The following NBAS variants were observed in gnomAD, a reference collection of about 807,000 sequenced individuals.
The protein encoded by NBAS is NAG/BC035112 fusion.
In NBAS, 219 loss-of-function variants were observed where a neutral mutation model predicts 302.5. The observed-to-expected ratio is 0.72, with a 90% CI of 0.65 to 0.81. The LOEUF (loss-of-function observed/expected upper bound fraction) is 0.81, where lower values mean the gene tolerates loss of function less well. Ranked by LOEUF, NBAS falls within the 30% of genes least tolerant of loss-of-function variation. The pLI is 0.00. For synonymous variants in NBAS, 1,118 were observed against 1,021.6 expected, an observed-to-expected ratio of 1.09 and a Z score of -1.80; for missense variants, 2,932 against 2,841.6, an observed-to-expected ratio of 1.03 and a Z score of -0.72.
chr2:14,938,293 A>C, the NBAS span, among the ~76,000 whole-genome samples: 5 of 152,372 alleles, frequency 3.3e-5, no homozygotes, highest in South Asian at 1.0e-3. Context: ...GAAAAAATGT[A>C]TACAGATACA....
At chr2:15,286,863 A>G (rs1447188588) in intron 42 of NBAS, among the ~76,000 whole-genome samples, 1 of 152,250 alleles carries the variant, frequency 6.6e-6, no homozygotes, top group Non-Finnish European at 1.5e-5. Flanking sequence ...TCTAGTACAC[A>G]AAAAATTTTC....
At chr2:15,423,247 A>G (rs1677297885) in intron 23 of NBAS, among the ~76,000 whole-genome samples, 1 of 152,158 alleles carries the variant, frequency 6.6e-6, no homozygotes, top group Non-Finnish European at 1.5e-5. Context: ...ATCTCTTCAG[A>G]TTCTACACAT....
At chr2:15,365,247 T>C (rs73197097) in intron 32 of NBAS, among the ~76,000 whole-genome samples, 1,911 of 152,320 alleles carry the variant, frequency 0.013, 36 homozygotes, top group African/African-American at 0.043. Context: ...CCTGTTACTA[T>C]GTTAACACAT....
the NBAS span, among the ~76,000 whole-genome samples, chr2:15,073,609 AT>A: frequency 5.3e-5 from 8 of 151,720 alleles, no homozygotes; most frequent in Admixed American, 1.3e-4. Context: ...ACTTCCATGC[AT>A]TTTTTTTCTT....
At chr2:14,884,436 C>A in the NBAS span, among the ~76,000 whole-genome samples, 2 of 152,016 alleles carry the variant, frequency 1.3e-5, no homozygotes, top group Non-Finnish European at 2.9e-5. Flanking sequence ...GGAACCTGGC[C>A]AAATCAAAAT....
chr2:14,787,073 G>A, the NBAS span, among the ~76,000 whole-genome samples: 1,625 of 152,246 alleles, frequency 0.011, 29 homozygotes, highest in African/African-American at 0.036. Flanking sequence ...TTACCATTAT[G>A]TAATGGCCTC....
At chr2:15,370,956 A>G (rs543458661) in intron 31 of NBAS, among the ~76,000 whole-genome samples, 12 of 152,300 alleles carry the variant, frequency 7.9e-5, no homozygotes, top group African/African-American at 2.4e-4. Context: ...ATGTGAGGAC[A>G]TGAGATCTAG....
intron 48 of NBAS, among the ~76,000 whole-genome samples, chr2:15,207,073 T>A (rs1445721847): frequency 6.6e-6 from 1 of 152,086 alleles, no homozygotes; most frequent in Non-Finnish European, 1.5e-5. Flanking sequence ...CCATAGGCAA[T>A]CAACGCCAGC....
intron 40 of NBAS, among the ~76,000 whole-genome samples, chr2:15,297,070 G>A (rs560431660): frequency 6.3e-4 from 96 of 152,228 alleles, no homozygotes; most frequent in African/African-American, 1.8e-3. Flanking sequence ...CTTCAGGATG[G>A]AACACGCCTA....
chr2:15,376,282 G>A (rs1674732742), intron 30 of NBAS, among the ~76,000 whole-genome samples: 1 of 152,052 alleles, frequency 6.6e-6, no homozygotes, highest in South Asian at 2.1e-4. Flanking sequence ...TATACACACA[G>A]GGCATGTTTG....
At chr2:14,797,025 G>A in the NBAS span, among the ~76,000 whole-genome samples, 3 of 150,334 alleles carry the variant, frequency 2.0e-5, no homozygotes, top group African/African-American at 7.4e-5. Flanking sequence ...GGGAGGCGGA[G>A]CTTGCAGTGA....
intron 29 of NBAS, among the ~76,000 whole-genome samples, chr2:15,382,565 C>A (rs746954559): frequency 6.6e-6 from 1 of 152,066 alleles, no homozygotes. Context: ...AAGGGAACAA[C>A]GTGTGCAAAG....
At chr2:14,855,150 A>T in the NBAS span, among the ~76,000 whole-genome samples, 1 of 152,074 alleles carries the variant, frequency 6.6e-6, no homozygotes, top group African/African-American at 2.4e-5. Context: ...CCTAGAAAAC[A>T]TGTCTAGACA....
chr2:15,497,324 T>C (rs111850804), intron 11 of NBAS, among the ~76,000 whole-genome samples: 3,907 of 152,290 alleles, frequency 0.026, 178 homozygotes, highest in African/African-American at 0.089. Context: ...TGATTAAGTA[T>C]CTGCTAATGT....
rs537564876 is a variant in NBAS at position 15,553,702 on chromosome 2, C to T, written c.288-229G>A. 2.0e-5 allele frequency among the ~76,000 whole-genome samples: 3 copies of T among 151,634 alleles called. No individual in the cohort carries two copies. The East Asian group carries it at 5.9e-4, about 30-fold the overall frequency. ...GTTTAAGCTCTCTCTCCCCCACTCT[C>T]CCCATCTCTCTCCCTCTCTCCCCCT... On this transcript the variant is annotated intron_variant, in intron 4 of 51. Coordinates refer to ENST00000281513, the MANE Select transcript of NBAS (RefSeq NM_015909.4).
At chr2:14,856,001 G>A in the NBAS span, among the ~76,000 whole-genome samples, 1 of 152,184 alleles carries the variant, frequency 6.6e-6, no homozygotes, top group Non-Finnish European at 1.5e-5. Context: ...CTGACCCAGT[G>A]CAGCCATAGT....
chr2:15,377,295 A>G (rs1996518), intron 30 of NBAS, among the ~76,000 whole-genome samples: 94,438 of 152,012 alleles, frequency 0.62, 30,118 homozygotes, highest in Middle Eastern at 0.69. Flanking sequence ...TGTTCAACAG[A>G]CAAACACTGG....
At chr2:15,409,433 C>G (rs1676575583) in intron 25 of NBAS, among the ~76,000 whole-genome samples, 1 of 152,204 alleles carries the variant, frequency 6.6e-6, no homozygotes, top group African/African-American at 2.4e-5. Context: ...TCTCTCTATC[C>G]TCAATGTCTT....
At chr2:14,953,841 A>G in the NBAS span, among the ~76,000 whole-genome samples, 2 of 152,200 alleles carry the variant, frequency 1.3e-5, no homozygotes, top group Non-Finnish European at 2.9e-5. Flanking sequence ...AATGGATAAA[A>G]AGTTATAAAA....
Sources: gnomAD v4.1 joint callset for allele counts (sites outside exome capture counted in the v4.1 genomes callset) on GRCh38, gnomAD v4.1.1 for gene constraint, MANE v1.5 for transcripts, NCBI Gene and HGNC (gene_info 2026-07-23, HGNC 2026-07-21) for gene names.